The following YEATS4 variants were observed in gnomAD, a reference collection of about 807,000 sequenced individuals.
YEATS4 encodes the protein YEATS domain containing 4, also known as YEATS domain-containing protein 4.
A neutral mutation model predicts 30.1 loss-of-function variants in YEATS4; 17 were observed. That is an observed-to-expected ratio of 0.56 (90% CI 0.39 to 0.85). The LOEUF is 0.85. Ranked by LOEUF, YEATS4 falls within the 40% of genes least tolerant of loss-of-function variation. The probability of loss-of-function intolerance (pLI) is 0.00; values close to 1 mark genes in which losing one functional copy is unlikely to be tolerated. For missense variants in YEATS4, 142 were observed against 268.3 expected, an observed-to-expected ratio of 0.53 and a Z score of 3.29; for synonymous variants, 85 against 87.5, an observed-to-expected ratio of 0.97 and a Z score of 0.16.
At chr12:69,390,055 C>A in intron 6 of YEATS4, 92 bp from the exon 7 acceptor site, 1 of 1,026,198 alleles carries the variant, frequency 9.7e-7, no homozygotes, top group Non-Finnish European at 1.3e-6. Context: ...ATCATGGAAA[C>A]ATTGTCGTCA....
downstream of YEATS4, among the ~76,000 whole-genome samples, chr12:69,391,583 G>T (rs183447311): frequency 1.2e-4 from 18 of 152,242 alleles, no homozygotes; most frequent in Admixed American, 4.6e-4. Flanking sequence ...TTTTAAAGTT[G>T]TGACTTTTGC....
At chr12:69,368,889 C>G (rs1419346189) in intron 4 of YEATS4, among the ~76,000 whole-genome samples, 5 of 152,148 alleles carry the variant, frequency 3.3e-5, no homozygotes. Context: ...ATTGTAATTA[C>G]ACCTGCAAAG....
At chr12:69,401,035 G>A in the YEATS4 span, 1 of 152,128 alleles carries the variant, frequency 6.6e-6, no homozygotes, top group East Asian at 1.9e-4. Flanking sequence ...TGGCATTAAT[G>A]TGGTGACCTC....
chr12:69,383,213 G>T lies in YEATS4; in HGVS notation c.515-6934G>T, dbSNP rs184243488. On this transcript the variant is annotated intron_variant, in intron 6 of 6. Transcript: ENST00000247843. ...CAGGAGGGCAAGGCTTTAATGAGCT[G>T]TTGTCATGTGACTGCACGCCAGACT... Among the ~76,000 whole-genome samples the T allele has an allele frequency of 4.4e-3, 673 of 152,188 alleles. 2 individuals are homozygous for T. Among genetic ancestry groups the T allele is most frequent in the Admixed American group, 6.1e-3 (93 of 15,292 alleles).
chr12:69,385,206 T>G (rs1470760089), intron 6 of YEATS4, among the ~76,000 whole-genome samples: 1 of 150,904 alleles, frequency 6.6e-6, no homozygotes, highest in Non-Finnish European at 1.5e-5. Context: ...TAGGGGCAGG[T>G]TTCTCCACCT....
downstream of YEATS4, among the ~76,000 whole-genome samples, chr12:69,395,388 C>T (rs1868344179): frequency 6.6e-6 from 1 of 151,984 alleles, no homozygotes; most frequent in Non-Finnish European, 1.5e-5. Flanking sequence ...ACAATGGAAT[C>T]CTCTGTGGTT....
In YEATS4 at chr12:69,365,435, A is replaced by T. The variant is rs1729267848; in HGVS notation, c.172-198A>T. Among the ~76,000 whole-genome samples, 3 of 151,676 alleles carry T rather than the reference A, an allele frequency of 2.0e-5. No individual in the cohort carries two copies. The South Asian group carries it at 6.3e-4, about 32-fold the overall frequency. On this transcript the variant is annotated intron_variant, in intron 2 of 6. Transcript: ENST00000247843. ...CACTGCACTCCAGCCTGGGCAACAA[A>T]GCGAGACTCCATCTCAGGAAAAAAA... is the stretch of plus-strand genomic sequence containing the variant.
the YEATS4 span, among the ~76,000 whole-genome samples, chr12:69,417,756 C>A: frequency 6.6e-6 from 1 of 150,608 alleles, no homozygotes; most frequent in Non-Finnish European, 1.5e-5. Context: ...CTTGTTACTG[C>A]AGAAATGGTC....
chr12:69,372,259 C>T (rs940426916), intron 6 of YEATS4, among the ~76,000 whole-genome samples: 5 of 152,130 alleles, frequency 3.3e-5, no homozygotes, highest in African/African-American at 1.2e-4. Context: ...TATTTTGATA[C>T]AGGCATACAA....
chr12:69,375,275 C>T (rs1412954029), intron 6 of YEATS4, among the ~76,000 whole-genome samples: 9 of 150,808 alleles, frequency 6.0e-5, no homozygotes, highest in South Asian at 2.1e-4. Flanking sequence ...GGGTCGCGGC[C>T]GGGCAGAGGC....
downstream of YEATS4, among the ~76,000 whole-genome samples, chr12:69,394,687 A>C (rs1462926822): frequency 9.9e-5 from 15 of 152,118 alleles, no homozygotes; most frequent in Non-Finnish European, 7.4e-5. Flanking sequence ...GGAACACTGC[A>C]GCCTTGACCT....
the YEATS4 span, among the ~76,000 whole-genome samples, chr12:69,410,516 G>T: frequency 1.3e-5 from 2 of 152,140 alleles, no homozygotes; most frequent in South Asian, 2.1e-4. Flanking sequence ...ATTATTATAT[G>T]TGCCACATAA....
At chr12:69,370,368 C>T (rs557103200) in intron 4 of YEATS4, among the ~76,000 whole-genome samples, 41 of 152,278 alleles carry the variant, frequency 2.7e-4, no homozygotes, top group Non-Finnish European at 4.7e-4. Context: ...ACAATTAATC[C>T]ACTTGTGTAA....
intron 6 of YEATS4, among the ~76,000 whole-genome samples, chr12:69,388,304 T>C (rs1285199558): frequency 6.6e-6 from 1 of 152,244 alleles, no homozygotes. Flanking sequence ...TTACATATAA[T>C]TACTTCATGT....
At chr12:69,392,317 C>T (rs1565684402), downstream of YEATS4, among the ~76,000 whole-genome samples, 1 of 152,170 alleles carries the variant, frequency 6.6e-6, no homozygotes, top group Non-Finnish European at 1.5e-5. Flanking sequence ...CTTTGGAAAA[C>T]AGCTTGGCAA....
chr12:69,400,048 AGTG>A, the YEATS4 span, among the ~76,000 whole-genome samples: 1 of 152,180 alleles, frequency 6.6e-6, no homozygotes, highest in East Asian at 1.9e-4. Context: ...TGAATTAAAT[AGTG>A]GTGATCGTTA....
intron 4 of YEATS4, among the ~76,000 whole-genome samples, chr12:69,368,023 T>TATA (rs1201677423): frequency 1.3e-5 from 2 of 152,358 alleles, no homozygotes; most frequent in Non-Finnish European, 2.9e-5. Context: ...TAGAAAGGTA[T>TATA]ATAACCTATT....
intron 6 of YEATS4, among the ~76,000 whole-genome samples, chr12:69,379,375 T>A (rs1459393195): frequency 6.6e-6 from 1 of 152,088 alleles, no homozygotes; most frequent in South Asian, 2.1e-4. Context: ...CTCTATCTCC[T>A]CTTTAATTAA....
chr12:69,362,279 G>A (rs1300904396), intron 1 of YEATS4, among the ~76,000 whole-genome samples: 3 of 152,038 alleles, frequency 2.0e-5, no homozygotes, highest in African/African-American at 7.2e-5. Flanking sequence ...TGGTGAAATT[G>A]TAGGTTTTAA....
Sources: allele counts gnomAD v4.1 joint callset (sites outside exome capture counted in the v4.1 genomes callset), GRCh38; gene constraint gnomAD v4.1.1; transcripts MANE v1.5; gene names NCBI Gene and HGNC (gene_info 2026-07-23, HGNC 2026-07-21).